Variants in FRMD6 observed in about 807,000 individuals in gnomAD.
FRMD6 encodes FERM domain-containing protein 6.
In FRMD6, 37 loss-of-function variants were observed where a neutral mutation model predicts 73.2. That is an observed-to-expected ratio of 0.51 (90% CI 0.39 to 0.66). The LOEUF (loss-of-function observed/expected upper bound fraction) is 0.66. Ranked by LOEUF, FRMD6 falls within the 30% of genes least tolerant of loss-of-function variation. The probability of loss-of-function intolerance (pLI) is 0.00; values close to 1 mark genes in which losing one functional copy is unlikely to be tolerated. For missense variants in FRMD6, 714 were observed against 780.5 expected (o/e 0.91, Z 1.02); for synonymous variants, 273 against 282.2 (o/e 0.97, Z 0.33).
intron 2 of FRMD6, among the ~76,000 whole-genome samples, chr14:51,613,112 A>G (rs542176896): frequency 5.3e-5 from 8 of 152,310 alleles, no homozygotes; most frequent in African/African-American, 1.9e-4. Flanking sequence ...TTTGGCCAAA[A>G]TGAGGAGTTT....
intron 9 of FRMD6, 131 bp from the exon 10 acceptor site, chr14:51,715,194 C>T: frequency 5.8e-6 from 4 of 685,620 alleles, no homozygotes; most frequent in Non-Finnish European, 8.7e-6. Context: ...TAATTTATCC[C>T]ACAAGGAATT....
chr14:51,536,981 C>T (rs975611959), intron 1 of FRMD6, among the ~76,000 whole-genome samples: 1 of 152,172 alleles, frequency 6.6e-6, no homozygotes, highest in Non-Finnish European at 1.5e-5. Context: ...TCAACATTCC[C>T]CACCAGAGTG....
the FRMD6 span, among the ~76,000 whole-genome samples, chr14:51,443,862 T>C: frequency 6.6e-6 from 1 of 152,072 alleles, no homozygotes; most frequent in South Asian, 2.1e-4. Flanking sequence ...CATCATTCCT[T>C]TTCAGAAAAC....
chr14:51,655,447 C>G (rs973004429), intron 1 of FRMD6, among the ~76,000 whole-genome samples: 1 of 151,596 alleles, frequency 6.6e-6, no homozygotes, highest in Non-Finnish European at 1.5e-5. Flanking sequence ...TCCCCAAAAC[C>G]CAAACAGGAA....
intron 2 of FRMD6, among the ~76,000 whole-genome samples, chr14:51,586,948 A>G (rs1425029615): frequency 6.6e-6 from 1 of 152,008 alleles, no homozygotes; most frequent in Non-Finnish European, 1.5e-5. Context: ...GAGTCTCGCC[A>G]TGTTGCCATG....
intron 2 of FRMD6, among the ~76,000 whole-genome samples, chr14:51,627,241 C>T (rs1191702632): frequency 6.6e-6 from 1 of 152,176 alleles, no homozygotes; most frequent in Non-Finnish European, 1.5e-5. Context: ...AGCCAAACTT[C>T]CCTATTCTTT....
At chr14:51,639,569 T>C (rs773237069) in intron 2 of FRMD6, among the ~76,000 whole-genome samples, 3 of 152,228 alleles carry the variant, frequency 2.0e-5, no homozygotes, top group Admixed American at 6.5e-5. Flanking sequence ...TGTGCTGTTA[T>C]GACTAAATTA....
chr14:51,528,371 C>A (rs908966247), intron 1 of FRMD6, among the ~76,000 whole-genome samples: 1 of 152,200 alleles, frequency 6.6e-6, no homozygotes, highest in Admixed American at 6.5e-5. Context: ...AGATTTTCCA[C>A]CTGGTTTTGC....
chr14:51,540,625 C>T (rs1488164784), intron 1 of FRMD6, among the ~76,000 whole-genome samples: 1 of 152,070 alleles, frequency 6.6e-6, no homozygotes. Context: ...GTGAAGTAAG[C>T]TCACTTCCTG....
intron 2 of FRMD6, among the ~76,000 whole-genome samples, chr14:51,577,160 T>C (rs765472886): frequency 1.6e-4 from 25 of 152,114 alleles, no homozygotes; most frequent in Non-Finnish European, 3.1e-4. Context: ...GGCAGTCACA[T>C]CTGCCATGAG....
chr14:51,493,068 T>C (rs1173030073), intron 1 of FRMD6, among the ~76,000 whole-genome samples: 1 of 152,202 alleles, frequency 6.6e-6, no homozygotes, highest in Non-Finnish European at 1.5e-5. Context: ...TGCTGCTGGG[T>C]TTATTTAAAA....
At chr14:51,670,509 T>C (rs1893928304) in intron 1 of FRMD6, among the ~76,000 whole-genome samples, 1 of 152,228 alleles carries the variant, frequency 6.6e-6, no homozygotes, top group Admixed American at 6.5e-5. Context: ...TCTTCAGTTT[T>C]TATGTGTACT....
chr14:51,431,057 T>C, the FRMD6 span, among the ~76,000 whole-genome samples: 1 of 152,240 alleles, frequency 6.6e-6, no homozygotes, highest in Non-Finnish European at 1.5e-5. Flanking sequence ...TCTCTCTGTT[T>C]TTAGACAATT....
chr14:51,397,432 C>G, the FRMD6 span, among the ~76,000 whole-genome samples: 1 of 152,182 alleles, frequency 6.6e-6, no homozygotes, highest in Non-Finnish European at 1.5e-5. Flanking sequence ...AGGTACATAC[C>G]TAGAGCTTGA....
chr14:51,572,499 C>T (rs548360167), intron 2 of FRMD6, among the ~76,000 whole-genome samples: 69 of 152,116 alleles, frequency 4.5e-4, no homozygotes, highest in African/African-American at 1.5e-3. Flanking sequence ...GACATATTGC[C>T]CTGTAGATGG....
rs1566575091 is a variant in FRMD6, at chr14:51,698,272, TC to T, written c.190+43del. The T allele has an allele frequency of 2.2e-6, 3 of 1,393,040 alleles. No homozygotes were observed. In the South Asian group the frequency reaches 3.6e-5, roughly 17 times the overall value. 86.3% of individuals were successfully genotyped at this position (1,393,040 alleles called of 1,614,324 possible). On this transcript the variant is annotated intron_variant, in intron 3 of 13. Coordinates refer to ENST00000344768, the MANE Select transcript of FRMD6 (RefSeq NM_001267046.2). ...CCTCTCTGATGGATTTAGCCAACTA[TC>T]CCTGAGGAAATGACATCTTATAGCT...
intron 11 of FRMD6, among the ~76,000 whole-genome samples, 196 bp from the exon 12 acceptor site, chr14:51,721,753 A>AGGAAGGAAGGAAGGAG (rs1566598530): frequency 2.7e-4 from 29 of 108,782 alleles, no homozygotes; most frequent in African/African-American, 7.0e-4. Flanking sequence ...GAAGGGAGGA[A>AGGAAGGAAGGAAGGAG]GGAAGGAGGG....
At chr14:51,656,503 TC>T (rs1226890622) in intron 1 of FRMD6, among the ~76,000 whole-genome samples, 1 of 150,890 alleles carries the variant, frequency 6.6e-6, no homozygotes, top group African/African-American at 2.4e-5. Context: ...AGCCTCCACC[TC>T]CCGGGTCCAA....
At chr14:51,404,329 G>T in the FRMD6 span, among the ~76,000 whole-genome samples, 44 of 151,976 alleles carry the variant, frequency 2.9e-4, no homozygotes, top group African/African-American at 1.0e-3. Context: ...TTTTCTCCCA[G>T]TTGGTGACTT....
Sources: gnomAD v4.1 joint callset for allele counts (sites outside exome capture counted in the v4.1 genomes callset) on GRCh38, gnomAD v4.1.1 for gene constraint, MANE v1.5 for transcripts, NCBI Gene and HGNC (gene_info 2026-07-23, HGNC 2026-07-21) for gene names.